The following KCNJ3 variants were observed in gnomAD, a reference collection of about 807,000 sequenced individuals.
The protein encoded by KCNJ3 is potassium inwardly rectifying channel subfamily J member 3.
A neutral mutation model predicts 39.2 loss-of-function variants in KCNJ3; 4 were observed. The observed-to-expected ratio is 0.10, with a 90% CI of 0.05 to 0.23. The LOEUF (loss-of-function observed/expected upper bound fraction) is 0.23, where lower values mean the gene tolerates loss of function less well. KCNJ3 is among the 10% of genes least tolerant of loss of function. The pLI is 1.00. For synonymous variants in KCNJ3, 230 were observed against 237.4 expected, an observed-to-expected ratio of 0.97 and a Z score of 0.29; for missense variants, 276 against 634.9, an observed-to-expected ratio of 0.43 and a Z score of 6.08.
At chr2:154,703,479 A>ATGTGTGTGTGTGTG (rs3138640) in intron 1 of KCNJ3, among the ~76,000 whole-genome samples, 2 of 148,178 alleles carry the variant, frequency 1.3e-5, no homozygotes, top group African/African-American at 5.0e-5. Context: ...CTCCATATAT[A>ATGTGTGTGTGTGTG]TGTGTGTGTG....
At chr2:154,836,726 T>A (rs930262323) in intron 2 of KCNJ3, among the ~76,000 whole-genome samples, 2 of 152,200 alleles carry the variant, frequency 1.3e-5, no homozygotes, top group Non-Finnish European at 2.9e-5. Context: ...TTAGGTTCTA[T>A]AAATAGCATA....
At chr2:154,768,034 T>A (rs907420316) in intron 2 of KCNJ3, among the ~76,000 whole-genome samples, 1 of 152,194 alleles carries the variant, frequency 6.6e-6, no homozygotes, top group Non-Finnish European at 1.5e-5. Context: ...GATGGGGTTG[T>A]TTGATTTTTT....
intron 2 of KCNJ3, among the ~76,000 whole-genome samples, chr2:154,724,916 G>GATATATATATATATATATATATATAT (rs1558856912): frequency 8.5e-5 from 5 of 59,134 alleles, no homozygotes; most frequent in African/African-American, 3.0e-4. Flanking sequence ...ATACATATGA[G>GATATATATATATATATATATATATAT]GTATATATAT....
At chr2:154,832,706 G>A (rs1687384195) in intron 2 of KCNJ3, among the ~76,000 whole-genome samples, 1 of 151,924 alleles carries the variant, frequency 6.6e-6, no homozygotes. Flanking sequence ...ATAAGCAATA[G>A]TGATGGCTTC....
At chr2:154,819,976 C>T (rs770939866) in intron 2 of KCNJ3, among the ~76,000 whole-genome samples, 5 of 151,856 alleles carry the variant, frequency 3.3e-5, no homozygotes, top group Non-Finnish European at 5.9e-5. Context: ...GTGTGCTTTG[C>T]ATTTGTTGTG....
At chr2:154,760,872 G>T (rs190379176) in intron 2 of KCNJ3, among the ~76,000 whole-genome samples, 1 of 150,630 alleles carries the variant, frequency 6.6e-6, no homozygotes, top group African/African-American at 2.4e-5. Flanking sequence ...GAGTAGCTGG[G>T]ACTACAGGTG....
intron 2 of KCNJ3, among the ~76,000 whole-genome samples, chr2:154,776,005 C>T (rs1574458096): frequency 2.8e-5 from 4 of 144,804 alleles, no homozygotes; most frequent in Non-Finnish European, 3.0e-5. Flanking sequence ...AGAAGTGATT[C>T]TTTTTTTTTT....
chr2:154,775,524 T>A (rs1686318211), intron 2 of KCNJ3, among the ~76,000 whole-genome samples: 1 of 152,174 alleles, frequency 6.6e-6, no homozygotes, highest in Admixed American at 6.5e-5. Flanking sequence ...TTTATTTTAC[T>A]TTCCTAAATA....
chr2:154,844,334 G>C (rs1031881693), intron 2 of KCNJ3, among the ~76,000 whole-genome samples: 1 of 152,160 alleles, frequency 6.6e-6, no homozygotes, highest in African/African-American at 2.4e-5. Context: ...GTCCCAGAGG[G>C]GCAACCGCCT....
At chr2:154,781,038 C>T (rs908952373) in intron 2 of KCNJ3, among the ~76,000 whole-genome samples, 9 of 151,954 alleles carry the variant, frequency 5.9e-5, no homozygotes, top group African/African-American at 1.9e-4. Flanking sequence ...TAAATGAGGA[C>T]GAGAAAGGCA....
chr2:154,805,779 CA>C (rs1686899772), intron 2 of KCNJ3, among the ~76,000 whole-genome samples: 1 of 151,970 alleles, frequency 6.6e-6, no homozygotes, highest in South Asian at 2.1e-4. Context: ...TGAGACTCAT[CA>C]AATTTACATG....
chr2:154,852,125 T>TTCTCATCTCGAAAAACATAAAAATAAAA, intron 2 of KCNJ3, among the ~76,000 whole-genome samples: 1 of 152,220 alleles, frequency 6.6e-6, no homozygotes, highest in South Asian at 2.1e-4. Context: ...CCTTACTTTT[T>TTCTCATCTCGAAAAACATAAAAATAAAA]AAGACACTGA....
intron 2 of KCNJ3, among the ~76,000 whole-genome samples, chr2:154,828,506 C>T (rs888546219): frequency 6.6e-6 from 1 of 152,158 alleles, no homozygotes; most frequent in Non-Finnish European, 1.5e-5. Flanking sequence ...GGTGCTTTGT[C>T]GAGACTGGTC....
In KCNJ3 at chr2:154,764,710, A is replaced by G. The variant is rs374448084; in HGVS notation, c.919+54891A>G. On this transcript the variant is annotated intron_variant, in intron 2 of 2. Coordinates refer to ENST00000295101, the MANE Select transcript of KCNJ3 (RefSeq NM_002239.4). Reference sequence around the variant, plus strand: ...CAATAGCTGATAATCTAATTAAAAAAAAAGATCTGGGCATAAATCTCATAA... The same window carrying G: ...CAATAGCTGATAATCTAATTAAAAAGAAAGATCTGGGCATAAATCTCATAA... 3.1e-3 allele frequency among the ~76,000 whole-genome samples: 470 copies of G among 152,332 alleles called. 8 individuals carry two copies. The highest frequency in any genetic ancestry group is 0.011 in the African/African-American group (448 of 41,580).
chr2:154,771,580 C>T (rs887164419), intron 2 of KCNJ3, among the ~76,000 whole-genome samples: 3 of 152,032 alleles, frequency 2.0e-5, no homozygotes, highest in Non-Finnish European at 4.4e-5. Flanking sequence ...GACTCAACCA[C>T]GGGACTAGAG....
chr2:154,709,510 A>C, intron 1 of KCNJ3, 93 bp from the exon 2 acceptor site: 1 of 1,271,268 alleles, frequency 7.9e-7, no homozygotes, highest in Non-Finnish European at 1.1e-6. Flanking sequence ...TTGATAGTGC[A>C]GAATGTTGGC....
intron 2 of KCNJ3, among the ~76,000 whole-genome samples, chr2:154,815,741 T>C (rs1420826741): frequency 4.6e-5 from 7 of 152,216 alleles, no homozygotes; most frequent in East Asian, 1.9e-4. Context: ...CAATTCTTAA[T>C]ATTCATTGCC....
At chr2:154,848,246 G>GGACTT (rs1192057367) in intron 2 of KCNJ3, among the ~76,000 whole-genome samples, 3 of 152,038 alleles carry the variant, frequency 2.0e-5, no homozygotes, top group African/African-American at 7.2e-5. Context: ...TATGAGTTCT[G>GGACTT]GACTTAGCTT....
chr2:154,729,208 A>G (rs1190195713), intron 2 of KCNJ3, among the ~76,000 whole-genome samples: 4 of 152,196 alleles, frequency 2.6e-5, no homozygotes, highest in Non-Finnish European at 5.9e-5. Flanking sequence ...TTTTTAGTTA[A>G]CAAGTGCACA....
Sources: allele counts gnomAD v4.1 joint callset (sites outside exome capture counted in the v4.1 genomes callset), GRCh38; gene constraint gnomAD v4.1.1; transcripts MANE v1.5; gene names NCBI Gene and HGNC (gene_info 2026-07-23, HGNC 2026-07-21).